Variants in ADK observed in about 807,000 individuals in gnomAD.
ADK encodes N6,N6-dimethyladenosine kinase.
A neutral mutation model predicts 44.7 loss-of-function variants in ADK; 24 were observed. The observed-to-expected ratio is 0.54, with a 90% confidence interval of 0.39 to 0.76. The LOEUF is 0.76. Among genes scored for constraint, ADK ranks in the 30% least tolerant of loss-of-function variants. The probability of loss-of-function intolerance (pLI) is 0.00; values close to 1 mark genes in which losing one functional copy is unlikely to be tolerated. For synonymous variants in ADK, 128 were observed against 142.6 expected (o/e 0.90, Z 0.73); for missense variants, 321 against 425.1 (o/e 0.76, Z 2.15).
chr10:74,414,037 C>A (rs1844281090), intron 6 of ADK, among the ~76,000 whole-genome samples: 1 of 152,098 alleles, frequency 6.6e-6, no homozygotes, highest in Non-Finnish European at 1.5e-5. Flanking sequence ...TGGTTTGTGG[C>A]ATCCCAAAAC....
chr10:74,256,401 G>T (rs908121921), intron 3 of ADK, among the ~76,000 whole-genome samples: 1 of 152,184 alleles, frequency 6.6e-6, no homozygotes, highest in African/African-American at 2.4e-5. Context: ...ATACAAAAAG[G>T]AACCTGGAAT....
At chr10:74,173,112 A>G (rs891090645) in intron 1 of ADK, among the ~76,000 whole-genome samples, 14 of 145,110 alleles carry the variant, frequency 9.6e-5, no homozygotes, top group African/African-American at 3.6e-4. Context: ...TTTTTTTTTG[A>G]GATGGAGTCT....
chr10:74,463,181 T>G lies in ADK; in HGVS notation c.556-62075T>G, dbSNP rs376108858. 2.0e-5 allele frequency among the ~76,000 whole-genome samples: 3 copies of G among 152,192 alleles called. No individual in the cohort carries two copies. The East Asian group carries it at 5.8e-4, about 29-fold the overall frequency. On this transcript the variant is annotated intron_variant, in intron 6 of 10. Coordinates refer to ENST00000539909, the MANE Select transcript of ADK (RefSeq NM_006721.4). The stretch of plus-strand genomic sequence containing the variant: ...AACCTTTTTGGCACCAAGGACTGTT[T>G]CGTGGAAGATCATTTTCCACAGGGC...
At chr10:74,210,137 C>G (rs2132187318) in intron 2 of ADK, among the ~76,000 whole-genome samples, 1 of 152,104 alleles carries the variant, frequency 6.6e-6, no homozygotes, top group East Asian at 1.9e-4. Context: ...AGAGACCAGC[C>G]TGGCTAACAA....
intron 6 of ADK, among the ~76,000 whole-genome samples, chr10:74,441,205 A>G (rs1023521503): frequency 2.6e-5 from 4 of 152,238 alleles, no homozygotes; most frequent in African/African-American, 7.2e-5. Flanking sequence ...GCCATCAGAC[A>G]GTGGCATAAC....
At chr10:74,565,557 A>G (rs1256109360) in intron 7 of ADK, among the ~76,000 whole-genome samples, 1 of 152,028 alleles carries the variant, frequency 6.6e-6, no homozygotes, top group South Asian at 2.1e-4. Flanking sequence ...GAGAAACTCC[A>G]TCTCTACTAA....
chr10:74,600,255 A>T (rs895510125), intron 8 of ADK, 124 bp from the exon 9 acceptor site: 4 of 625,260 alleles, frequency 6.4e-6, no homozygotes, highest in South Asian at 1.8e-5. Context: ...AGAAATTTTT[A>T]ATGTCTCTTA....
intron 3 of ADK, among the ~76,000 whole-genome samples, chr10:74,303,588 G>GGTTTTTTT (rs1840139429): frequency 1.5e-5 from 1 of 68,576 alleles, no homozygotes; most frequent in Non-Finnish European, 2.4e-5. Context: ...TTTTAATGTT[G>GGTTTTTTT]TTTTTTTTTT....
intron 6 of ADK, among the ~76,000 whole-genome samples, chr10:74,449,119 G>A (rs1342950068): frequency 6.6e-6 from 1 of 152,196 alleles, no homozygotes; most frequent in Non-Finnish European, 1.5e-5. Context: ...CAGGCAACCA[G>A]GAAGGGGAGA....
At chr10:74,292,130 C>T (rs1368224288) in intron 3 of ADK, among the ~76,000 whole-genome samples, 1 of 152,162 alleles carries the variant, frequency 6.6e-6, no homozygotes, top group Non-Finnish European at 1.5e-5. Context: ...TACCTACCTA[C>T]TTACCTCTGT....
intron 6 of ADK, among the ~76,000 whole-genome samples, chr10:74,512,345 T>C (rs1848366195): frequency 6.6e-6 from 1 of 151,778 alleles, no homozygotes; most frequent in Non-Finnish European, 1.5e-5. Context: ...GCTTCATTTT[T>C]GGAATAATTT....
chr10:74,291,243 T>C (rs923981263), intron 3 of ADK, among the ~76,000 whole-genome samples: 1 of 152,050 alleles, frequency 6.6e-6, no homozygotes, highest in Non-Finnish European at 1.5e-5. Context: ...GGTGAAACCC[T>C]GTCTCTAATA....
At chr10:74,684,146 T>G (rs1316048222) in intron 10 of ADK, among the ~76,000 whole-genome samples, 1 of 152,238 alleles carries the variant, frequency 6.6e-6, no homozygotes, top group Non-Finnish European at 1.5e-5. Flanking sequence ...TAATTAGAAG[T>G]ACCAGAAGTT....
At chr10:74,690,184 C>G (rs1564853950) in intron 10 of ADK, among the ~76,000 whole-genome samples, 1 of 152,158 alleles carries the variant, frequency 6.6e-6, no homozygotes, top group East Asian at 1.9e-4. Flanking sequence ...GGTTGGCTCT[C>G]TATTTATTAT....
At chr10:74,319,393 G>A (rs565761305) in intron 4 of ADK, among the ~76,000 whole-genome samples, 1 of 152,232 alleles carries the variant, frequency 6.6e-6, no homozygotes, top group South Asian at 2.1e-4. Flanking sequence ...CCCTCTTTCT[G>A]CCTCTTTGCG....
At chr10:74,514,298 G>A (rs950134841) in intron 6 of ADK, among the ~76,000 whole-genome samples, 1 of 152,100 alleles carries the variant, frequency 6.6e-6, no homozygotes, top group African/African-American at 2.4e-5. Flanking sequence ...TCCTGTTTGA[G>A]GTGAATATAT....
chr10:74,381,744 T>C (rs1242006447), intron 4 of ADK, among the ~76,000 whole-genome samples: 1 of 152,170 alleles, frequency 6.6e-6, no homozygotes, highest in African/African-American at 2.4e-5. Context: ...AGTGAAAATA[T>C]CTTTGCTGCT....
chr10:74,526,787 A>G (rs1190656446), intron 7 of ADK, among the ~76,000 whole-genome samples: 1 of 152,252 alleles, frequency 6.6e-6, no homozygotes, highest in Non-Finnish European at 1.5e-5. Context: ...GCCAAGTGCC[A>G]TATAACTGCT....
intron 1 of ADK, among the ~76,000 whole-genome samples, chr10:74,197,711 G>GGA (rs1554828134): frequency 7.1e-6 from 1 of 140,188 alleles, no homozygotes; most frequent in African/African-American, 2.7e-5. Context: ...AAAAAAAAAA[G>GGA]AAAAAAAAAA....
Sources: gnomAD v4.1 joint callset for allele counts (sites outside exome capture counted in the v4.1 genomes callset) on GRCh38, gnomAD v4.1.1 for gene constraint, MANE v1.5 for transcripts, NCBI Gene and HGNC (gene_info 2026-07-23, HGNC 2026-07-21) for gene names.